MET: variants seen among roughly 807,000 people sequenced by gnomAD.
MET encodes MET proto-oncogene, receptor tyrosine kinase, also known as hepatocyte growth factor receptor.
In MET, 48 loss-of-function variants were observed where a neutral mutation model predicts 133.1. The observed-to-expected ratio is 0.36, with a 90% CI of 0.29 to 0.46. MET has a LOEUF of 0.46. Among genes scored for constraint, MET ranks in the 20% least tolerant of loss-of-function variants. The pLI is 1.00. For missense variants in MET, 1,442 were observed against 1,695.9 expected, an observed-to-expected ratio of 0.85 and a Z score of 2.63; for synonymous variants, 628 against 616.5, an observed-to-expected ratio of 1.02 and a Z score of -0.28.
intron 19 of MET, among the ~76,000 whole-genome samples, chr7:116,791,879 C>T (rs1055866056): frequency 2.0e-5 from 3 of 152,046 alleles, no homozygotes; most frequent in African/African-American, 7.2e-5. Context: ...TGGCCAGGCT[C>T]CTGACTTCAA....
chr7:116,765,668 G>A (rs897999558), intron 11 of MET, among the ~76,000 whole-genome samples: 1 of 152,080 alleles, frequency 6.6e-6, no homozygotes, highest in Admixed American at 6.5e-5. Context: ...TCAAAAGTAG[G>A]TACCTCTTTG....
intron 5 of MET, 42 bp downstream of exon 5, chr7:116,741,067 G>GTTTTTTTTTTTTTTTTTGTTT: frequency 1.5e-6 from 2 of 1,348,778 alleles, no homozygotes; most frequent in Admixed American, 2.2e-5. Context: ...TTTGTTTGGT[G>GTTTTTTTTTTTTTTTTTGTTT]TTTTTTTTTT....
At chr7:116,791,662 C>A (rs1287889627) in intron 19 of MET, among the ~76,000 whole-genome samples, 2 of 151,836 alleles carry the variant, frequency 1.3e-5, no homozygotes, top group Non-Finnish European at 2.9e-5. Context: ...ACACTTTTGC[C>A]AATGCATTTT....
rs1032682239 is a variant in MET at position 116,700,000 on chromosome 7, A to C, written c.916A>C (p.Lys306Gln). 5 of 1,614,042 alleles carry C rather than the reference A, an allele frequency of 3.1e-6. No individual in the cohort carries two copies. Among genetic ancestry groups the C allele is most frequent in the Non-Finnish European group, 3.4e-6 (4 of 1,179,974 alleles). ...LECILTEKRK[K>Q]RSTKKEVFNI... ...GTGTATTCTCACAGAAAAGAGAAAA[A>C]AGAGATCCACAAAGAAGGAAGTGTT... is the stretch of plus-strand genomic sequence containing the variant. Residue 306 changes from lysine (K) to glutamine (Q), a missense_variant, in exon 2 of 21, where the codon AAG becomes CAG. Physicochemically the swap from Lys to Gln is moderately conservative, Grantham distance 53. Coordinates refer to ENST00000397752, the MANE Select transcript of MET (RefSeq NM_000245.4).
chr7:116,742,543 G>C (rs1793500928), intron 5 of MET, among the ~76,000 whole-genome samples: 1 of 152,134 alleles, frequency 6.6e-6, no homozygotes. Context: ...AAATAACCAA[G>C]CTGGTATTTT....
At chr7:116,707,117 G>A (rs931971062) in intron 2 of MET, among the ~76,000 whole-genome samples, 13 of 151,924 alleles carry the variant, frequency 8.6e-5, no homozygotes, top group African/African-American at 2.2e-4. Flanking sequence ...TGTTGGAGCA[G>A]ACAAAGTGTA....
intron 10 of MET, among the ~76,000 whole-genome samples, chr7:116,760,462 C>T (rs1239202459): frequency 6.6e-6 from 1 of 152,048 alleles, no homozygotes; most frequent in Non-Finnish European, 1.5e-5. Context: ...TCCAAAGATT[C>T]CATACATTTT....
intron 2 of MET, among the ~76,000 whole-genome samples, chr7:116,702,928 A>G (rs2116620531): frequency 6.6e-6 from 1 of 152,082 alleles, no homozygotes; most frequent in South Asian, 2.1e-4. Context: ...CAGCAGGTGT[A>G]CCAGGCCTGA....
intron 2 of MET, among the ~76,000 whole-genome samples, chr7:116,719,731 A>G (rs1584900047): frequency 6.6e-6 from 1 of 152,094 alleles, no homozygotes; most frequent in Admixed American, 6.5e-5. Context: ...TCCCAGCACC[A>G]TTTATTAAAT....
At chr7:116,763,688 A>G (rs573181235) in intron 11 of MET, among the ~76,000 whole-genome samples, 1 of 152,326 alleles carries the variant, frequency 6.6e-6, no homozygotes, top group South Asian at 2.1e-4. Context: ...GTATCTGGGT[A>G]TGGTCATCTC....
chr7:116,723,511 TC>T (rs1176809820), intron 2 of MET, among the ~76,000 whole-genome samples: 1 of 152,254 alleles, frequency 6.6e-6, no homozygotes, highest in African/African-American at 2.4e-5. Context: ...CCAGCTTTGT[TC>T]CGTTGCTGGT....
intron 4 of MET, 54 bp downstream of exon 4, chr7:116,740,138 T>G (rs1793389661): frequency 1.2e-6 from 2 of 1,604,616 alleles, no homozygotes; most frequent in Non-Finnish European, 1.7e-6. Context: ...CAAATGCATA[T>G]TTACAACCAG....
At chr7:116,780,181 A>G (rs1200178074) in intron 17 of MET, among the ~76,000 whole-genome samples, 1 of 152,150 alleles carries the variant, frequency 6.6e-6, no homozygotes, top group Non-Finnish European at 1.5e-5. Context: ...CATTTATGCC[A>G]GGACCTAAAA....
At chr7:116,735,778 G>GC (rs1485159955) in intron 3 of MET, among the ~76,000 whole-genome samples, 1 of 125,540 alleles carries the variant, frequency 8.0e-6, no homozygotes, top group Non-Finnish European at 1.7e-5. Context: ...GTTAGCTTTG[G>GC]CTTTTTTTTT....
In MET at chr7:116,672,507, G is replaced by GC. The variant is rs1169080179; in HGVS notation, c.-84dup. Reference sequence around the variant, plus strand: ...GCGACAGCTGACTTGCTGAGAGGAGGCGGGGAGGCGCGGAGCGCGCGTGTG... The same window carrying GC: ...GCGACAGCTGACTTGCTGAGAGGAGGCCGGGGAGGCGCGGAGCGCGCGTGTG... On this transcript the variant is annotated 5_prime_UTR_variant, in exon 1 of 21. Transcript: ENST00000397752. The GC allele has an allele frequency of 2.5e-6, 1 of 397,962 alleles. No homozygotes were observed. 24.7% of individuals were successfully genotyped at this position (397,962 alleles called of 1,614,324 possible).
chr7:116,770,839 T>C (rs1373744613), intron 12 of MET, among the ~76,000 whole-genome samples: 1 of 152,156 alleles, frequency 6.6e-6, no homozygotes, highest in East Asian at 1.9e-4. Flanking sequence ...GTAAGTGATT[T>C]TTAAAGGGTT....
At chr7:116,735,445 ATTTG>A (rs1793176795) in intron 3 of MET, among the ~76,000 whole-genome samples, 3 of 152,174 alleles carry the variant, frequency 2.0e-5, no homozygotes, top group Non-Finnish European at 4.4e-5. Flanking sequence ...AATAAGAAAA[ATTTG>A]TTTATCTGTT....
intron 1 of MET, among the ~76,000 whole-genome samples, chr7:116,691,228 C>T (rs1267041840): frequency 6.6e-6 from 1 of 152,016 alleles, no homozygotes; most frequent in Non-Finnish European, 1.5e-5. Context: ...TTGAGATTAT[C>T]TTATGTAAAT....
intron 2 of MET, among the ~76,000 whole-genome samples, chr7:116,705,407 C>A (rs550734562): frequency 5.0e-4 from 76 of 152,218 alleles, no homozygotes; most frequent in Non-Finnish European, 8.2e-4. Context: ...TGTGATTATA[C>A]TGGTTTGGCA....
Sources: gnomAD v4.1 joint callset for allele counts (sites outside exome capture counted in the v4.1 genomes callset) on GRCh38, gnomAD v4.1.1 for gene constraint, MANE v1.5 for transcripts, NCBI Gene and HGNC (gene_info 2026-07-23, HGNC 2026-07-21) for gene names.